The following SIPA1L3 variants were observed in gnomAD, a reference collection of about 807,000 sequenced individuals.
SIPA1L3 encodes the protein signal induced proliferation associated 1 like 3.
In SIPA1L3, 59 loss-of-function variants were observed where a neutral mutation model predicts 150.1. The observed-to-expected ratio is 0.39, with a 90% CI of 0.32 to 0.49. The LOEUF is 0.49. SIPA1L3 is among the 20% of genes least tolerant of loss of function. SIPA1L3 has a pLI of 0.86. For synonymous variants in SIPA1L3, 1,070 were observed against 1,077.6 expected, an observed-to-expected ratio of 0.99 and a Z score of 0.14; for missense variants, 2,211 against 2,489.5, an observed-to-expected ratio of 0.89 and a Z score of 2.38.
intron 1 of SIPA1L3, among the ~76,000 whole-genome samples, chr19:37,990,464 T>C (rs1048791181): frequency 2.0e-5 from 3 of 152,174 alleles, no homozygotes; most frequent in African/African-American, 7.2e-5. Context: ...CCAGGTCCGA[T>C]GGGATCTGGA....
intron 2 of SIPA1L3, among the ~76,000 whole-genome samples, chr19:38,057,943 T>G (rs1468639409): frequency 1.3e-5 from 2 of 152,188 alleles, no homozygotes; most frequent in African/African-American, 4.8e-5. Flanking sequence ...ATTACAGGCC[T>G]GAGCCACCAT....
intron 1 of SIPA1L3, among the ~76,000 whole-genome samples, chr19:37,923,401 G>A (rs2145486372): frequency 6.6e-6 from 1 of 152,210 alleles, no homozygotes; most frequent in East Asian, 1.9e-4. Context: ...ACACACATGT[G>A]ACTGCCCTGA....
intron 2 of SIPA1L3, among the ~76,000 whole-genome samples, chr19:38,055,579 T>C (rs978673061): frequency 3.3e-5 from 5 of 152,220 alleles, no homozygotes; most frequent in African/African-American, 4.8e-5. Context: ...GAAAGTAAGC[T>C]TTTTGGATTA....
chr19:37,969,226 C>A (rs1249453810), intron 1 of SIPA1L3, among the ~76,000 whole-genome samples: 1 of 146,844 alleles, frequency 6.8e-6, no homozygotes, highest in Non-Finnish European at 1.5e-5. Context: ...AAGAGAGACC[C>A]CATCTCTGTT....
intron 1 of SIPA1L3, among the ~76,000 whole-genome samples, chr19:37,954,624 T>C (rs1479358555): frequency 1.3e-5 from 2 of 152,192 alleles, no homozygotes; most frequent in African/African-American, 4.8e-5. Context: ...TAAGTTTCCG[T>C]AAACCCCTAG....
At position 38,046,989 on chromosome 19, in the gene SIPA1L3, G is replaced by A. The variant is rs1969074487; in HGVS notation, c.-311+17833G>A. Among the ~76,000 whole-genome samples the A allele has an allele frequency of 6.6e-6, 1 of 152,172 alleles. No individual in the cohort carries two copies. The highest frequency in any genetic ancestry group is 2.1e-4 in the South Asian group (1 of 4,830). ...GACCCTTAAGTGGATGGGCTCCCCAGCCAGGCGTGGTCCCCACTGCTAAGT... is the reference window on the plus strand; with the variant it reads ...GACCCTTAAGTGGATGGGCTCCCCAACCAGGCGTGGTCCCCACTGCTAAGT... On this transcript the variant is annotated intron_variant, in intron 2 of 21. Coordinates refer to ENST00000222345, the MANE Select transcript of SIPA1L3 (RefSeq NM_015073.3). The surrounding 1 kb of genome is among the most constrained non-coding windows in gnomAD (Gnocchi z 5.6).
intron 15 of SIPA1L3, among the ~76,000 whole-genome samples, chr19:38,166,823 T>G (rs1317081252): frequency 6.6e-6 from 1 of 151,634 alleles, no homozygotes; most frequent in Non-Finnish European, 1.5e-5. Context: ...CCTTTTCCAG[T>G]CCTCAAACCC....
At chr19:38,130,803 G>A in intron 10 of SIPA1L3, 31 bp downstream of exon 10, 1 of 1,568,810 alleles carries the variant, frequency 6.4e-7, no homozygotes, top group Non-Finnish European at 8.7e-7. Flanking sequence ...GCCAGGTGGT[G>A]GGTGGCAGCT....
Position 38,047,599 on chromosome 19 carries a change from C to T in SIPA1L3, c.-311+18443C>T, listed in dbSNP as rs759412862. The stretch of plus-strand genomic sequence containing the variant: ...ACTTTATAGTAGAGGCAGTCACAGG[C>T]GATCTGTGGGTAGAGCGATGATTGA... On this transcript the variant is annotated intron_variant, in intron 2 of 21. Transcript: ENST00000222345. The surrounding 1 kb of genome is among the most constrained non-coding windows in gnomAD (Gnocchi z 4.7). Among the ~76,000 whole-genome samples the T allele has an allele frequency of 1.3e-5, 2 of 152,170 alleles. No individual in the cohort carries two copies. Among genetic ancestry groups the T allele is most frequent in the African/African-American group, 2.4e-5 (1 of 41,436 alleles).
chr19:38,164,599 C>G lies in SIPA1L3; in HGVS notation c.3901C>G (p.Leu1301Val). Reference sequence around the variant, plus strand: ...CCCCCTGGAGCCAGAGCAAGACCCCCTCTCCAAGGGTGGCTCTAGTGACAG... The same window carrying G: ...CCCCCTGGAGCCAGAGCAAGACCCCGTCTCCAAGGGTGGCTCTAGTGACAG... ...LDPLEPEQDP[L>V]SKGGSSDSGI... Residue 1301 changes from leucine to valine, a missense_variant, in exon 15 of 22, where the codon CTC becomes GTC. Leu to Val is a conservative substitution (Grantham distance 32, BLOSUM62 1). This residue lies in a region of SIPA1L3 where 806 missense variants were observed against 870.1 expected (regional missense o/e 0.93). Coordinates refer to ENST00000222345, the MANE Select transcript of SIPA1L3 (RefSeq NM_015073.3). The surrounding 1 kb of genome is among the most constrained non-coding windows in gnomAD (Gnocchi z 4.1). 6.2e-7 allele frequency: 1 copy of G among 1,614,166 alleles called. No individual in the cohort carries two copies. Among genetic ancestry groups the G allele is most frequent in the Non-Finnish European group, 8.5e-7 (1 of 1,180,012 alleles).
intron 1 of SIPA1L3, among the ~76,000 whole-genome samples, chr19:37,933,844 C>T (rs2145505372): frequency 6.6e-6 from 1 of 152,284 alleles, no homozygotes; most frequent in East Asian, 1.9e-4. Flanking sequence ...AAAGCTTGGC[C>T]TAGTAAGTGG....
chr19:38,021,190 G>A (rs1329491970), intron 1 of SIPA1L3, among the ~76,000 whole-genome samples: 2 of 152,182 alleles, frequency 1.3e-5, no homozygotes, highest in Non-Finnish European at 2.9e-5. Context: ...GTGGCCCCCG[G>A]CTGCAGCAGG....
chr19:37,962,816 T>C (rs1396720167), intron 1 of SIPA1L3, among the ~76,000 whole-genome samples: 1 of 152,172 alleles, frequency 6.6e-6, no homozygotes, highest in Non-Finnish European at 1.5e-5. Context: ...TGTTGAACAC[T>C]GAACATTTTA....
intron 2 of SIPA1L3, among the ~76,000 whole-genome samples, chr19:38,067,489 G>A (rs768484355): frequency 7.9e-5 from 12 of 152,062 alleles, no homozygotes; most frequent in African/African-American, 7.2e-5. Flanking sequence ...TCAGCCGGGC[G>A]TGGTGGCTCA....
intron 1 of SIPA1L3, among the ~76,000 whole-genome samples, chr19:38,003,732 CCT>C (rs1967868392): frequency 6.6e-6 from 1 of 152,224 alleles, no homozygotes. Flanking sequence ...TTCCATCCCG[CCT>C]CTTTCCTTTG....
At chr19:38,067,533 C>T (rs1599993584) in intron 2 of SIPA1L3, among the ~76,000 whole-genome samples, 1 of 152,034 alleles carries the variant, frequency 6.6e-6, no homozygotes, top group East Asian at 1.9e-4. Flanking sequence ...GAGGCCGAGG[C>T]GGGCAGATAA....
intron 19 of SIPA1L3, among the ~76,000 whole-genome samples, chr19:38,201,163 G>A (rs960549187): frequency 1.3e-5 from 2 of 152,226 alleles, no homozygotes; most frequent in African/African-American, 4.8e-5. Flanking sequence ...GGATTCCATT[G>A]TCTGGCTGTT....
At chr19:37,993,860 T>C (rs1348913921) in intron 1 of SIPA1L3, among the ~76,000 whole-genome samples, 1 of 152,242 alleles carries the variant, frequency 6.6e-6, no homozygotes, top group East Asian at 1.9e-4. Flanking sequence ...GCTGTACTTT[T>C]ATTTCAATGC....
intron 10 of SIPA1L3, 155 bp downstream of exon 10, chr19:38,130,927 G>C (rs1971294135): frequency 1.3e-6 from 1 of 770,078 alleles, no homozygotes; most frequent in Non-Finnish European, 2.0e-6. Context: ...GACGGGGAGG[G>C]CACATCTACA....
Sources: allele counts gnomAD v4.1 joint callset (sites outside exome capture counted in the v4.1 genomes callset), GRCh38; gene constraint gnomAD v4.1.1; regional missense constraint gnomAD v4.1.1; non-coding constraint Gnocchi (gnomAD v3.1); transcripts MANE v1.5; gene names NCBI Gene and HGNC (gene_info 2026-07-23, HGNC 2026-07-21).